GLB1L3: variants seen among roughly 807,000 people sequenced by gnomAD.
The protein encoded by GLB1L3 is beta-galactosidase-1-like protein 3.
GLB1L3 carries 89 observed loss-of-function variants against 89.5 expected under a neutral mutation model. The ratio of observed to expected loss-of-function variants is 0.99; its 90% CI spans 0.84 to 1.19. The LOEUF (loss-of-function observed/expected upper bound fraction) is 1.19, where lower values mean the gene tolerates loss of function less well. Among genes scored for constraint, GLB1L3 ranks in the 50% most tolerant of loss-of-function variants. The probability of loss-of-function intolerance (pLI) is 0.00; values close to 1 mark genes in which losing one functional copy is unlikely to be tolerated. For missense variants in GLB1L3, 812 were observed against 813.3 expected (o/e 1.00, Z 0.02); for synonymous variants, 314 against 312.3 (o/e 1.01, Z -0.06).
intron 6 of GLB1L3, 60 bp from the exon 7 acceptor site, chr11:134,288,738 G>C: frequency 7.9e-7 from 1 of 1,260,048 alleles, no homozygotes; most frequent in Non-Finnish European, 1.1e-6. Flanking sequence ...CAAGCTCAGA[G>C]ACTCCAGGCT....
chr11:134,282,221 G>A lies in GLB1L3; in HGVS notation c.527+101G>A, dbSNP rs961362743. 61 of 1,340,252 alleles carry A rather than the reference G, an allele frequency of 4.6e-5. No individual in the cohort carries two copies. In the Middle Eastern group the frequency reaches 5.7e-4, roughly 12 times the overall value. 83.0% of individuals were successfully genotyped at this position (1,340,252 alleles called of 1,614,324 possible). ...AACAAGGAAAGTAACCTTTATTCAC[G>A]GAGCCGATGGGAGGTGTGCTGCCCC... is the stretch of plus-strand genomic sequence containing the variant. On this transcript the variant is annotated intron_variant, in intron 5 of 19. Coordinates refer to ENST00000431683, the MANE Select transcript of GLB1L3 (RefSeq NM_001080407.3).
At chr11:134,309,959 G>T in intron 11 of GLB1L3, 196 bp downstream of exon 11, 1 of 619,762 alleles carries the variant, frequency 1.6e-6, no homozygotes. Flanking sequence ...AGTAGACAGG[G>T]CTTTCCGGGA....
downstream of GLB1L3, among the ~76,000 whole-genome samples, chr11:134,321,372 A>G (rs560939440): frequency 1.6e-4 from 25 of 151,876 alleles, no homozygotes; most frequent in Middle Eastern, 3.4e-3. Context: ...AAACAAACAA[A>G]ATCCTCTAAC....
chr11:134,304,905 TTG>T (rs1417801850), intron 9 of GLB1L3, among the ~76,000 whole-genome samples: 1 of 152,122 alleles, frequency 6.6e-6, no homozygotes, highest in African/African-American at 2.4e-5. Flanking sequence ...GATTCTATTG[TTG>T]TTTCTTTTTT....
intron 5 of GLB1L3, 35 bp from the exon 6 acceptor site, chr11:134,283,702 G>C (rs374634023): frequency 7.7e-7 from 1 of 1,299,680 alleles, no homozygotes; most frequent in South Asian, 1.2e-5. Context: ...CTCCCAACCC[G>C]TCTCAGACCC....
intron 9 of GLB1L3, 102 bp from the exon 10 acceptor site, chr11:134,307,022 G>GAA (rs751391246): frequency 3.5e-4 from 264 of 749,152 alleles, no homozygotes; most frequent in Non-Finnish European, 5.5e-4. Context: ...GGAAAAAGGA[G>GAA]AAACGCATGA....
Position 134,292,210 on chromosome 11 carries a change from G to A in GLB1L3, c.808G>A (p.Gly270Arg). Residue 270 changes from glycine (G) to arginine (R), a missense_variant, in exon 8 of 20, where the codon GGA becomes AGA. This residue lies in a region of GLB1L3 where 618 missense variants were observed against 604.0 expected (regional missense o/e 1.02). Coordinates refer to ENST00000431683, the MANE Select transcript of GLB1L3 (RefSeq NM_001080407.3). ...EKHVLSGHTK[G>R]VLAAINLQKL... Reference sequence around the variant, plus strand: ...ACATGTGCTGAGTGGCCACACCAAAGGAGGTACACATTTAGAGTTAGTTCA... The same window carrying A: ...ACATGTGCTGAGTGGCCACACCAAAAGAGGTACACATTTAGAGTTAGTTCA... 6.2e-7 allele frequency: 1 copy of A among 1,610,624 alleles called. No homozygotes were observed. Among genetic ancestry groups the A allele is most frequent in the Non-Finnish European group, 8.5e-7 (1 of 1,177,232 alleles).
rs1437020147 is a variant in GLB1L3 at position 134,310,648 on chromosome 11, T to G, written c.1177T>G (p.Ser393Ala). ...LKLQKLFQSV[S>A]ATPLPRVPKL... The stretch of plus-strand genomic sequence containing the variant: ...GCTTCAAAAACTCTTTCAATCTGTC[T>G]CAGGTACTCAGCACCCATTTAACTT... Residue 393 changes from serine to alanine, a missense_variant, in exon 12 of 20, where the codon TCA becomes GCA. Coordinates refer to ENST00000431683, the MANE Select transcript of GLB1L3 (RefSeq NM_001080407.3). 5 of 1,610,676 alleles carry G rather than the reference T, an allele frequency of 3.1e-6. No individual in the cohort carries two copies. Among genetic ancestry groups the G allele is most frequent in the Non-Finnish European group, 4.2e-6 (5 of 1,177,276 alleles).
intron 3 of GLB1L3, among the ~76,000 whole-genome samples, 181 bp downstream of exon 3, chr11:134,278,093 T>C (rs1940479282): frequency 6.6e-6 from 1 of 152,168 alleles, no homozygotes; most frequent in Non-Finnish European, 1.5e-5. Flanking sequence ...GAGTTTGCTC[T>C]GTGATCAAAG....
intron 9 of GLB1L3, among the ~76,000 whole-genome samples, chr11:134,300,705 G>A (rs937031664): frequency 6.6e-6 from 1 of 152,112 alleles, no homozygotes; most frequent in African/African-American, 2.4e-5. Context: ...TCTTGCAGAT[G>A]GTCACCTTCT....
intron 3 of GLB1L3, among the ~76,000 whole-genome samples, chr11:134,279,103 T>C (rs1031404661): frequency 1.3e-5 from 2 of 152,244 alleles, no homozygotes; most frequent in African/African-American, 4.8e-5. Flanking sequence ...ATCAATCTTA[T>C]AATAAGCTCA....
chr11:134,308,296 C>T (rs867184741), intron 10 of GLB1L3, among the ~76,000 whole-genome samples: 7 of 47,768 alleles, frequency 1.5e-4, no homozygotes, highest in Middle Eastern at 9.3e-3. Context: ...ACCACCACCA[C>T]CACCACCACC....
intron 8 of GLB1L3, 39 bp from the exon 9 acceptor site, chr11:134,293,106 G>A: frequency 2.5e-6 from 4 of 1,582,738 alleles, no homozygotes; most frequent in Non-Finnish European, 3.5e-6. Context: ...GACAGCACTT[G>A]TCTCATGCCT....
At chr11:134,292,005 A>C in intron 7 of GLB1L3, 127 bp from the exon 8 acceptor site, 1 of 670,300 alleles carries the variant, frequency 1.5e-6, no homozygotes. Flanking sequence ...AAAAAGTAAA[A>C]ACATATTTCT....
Position 134,276,705 on chromosome 11 carries a change from G to A in GLB1L3, c.-36G>A. 1.4e-6 allele frequency: 2 copies of A among 1,428,604 alleles called. No homozygotes were observed. Among genetic ancestry groups the A allele is most frequent in the Non-Finnish European group, 1.8e-6 (2 of 1,091,332 alleles). The allele number at this position is 1,428,604 out of a possible 1,614,324, so 88.5% of individuals were successfully genotyped here. ...TCGGGGCCAGCGGAGAGGGGCGGAA[G>A]CCGCAAGGGACCCTCGGCGCCTCGG... On this transcript the variant is annotated 5_prime_UTR_variant, in exon 1 of 20. Coordinates refer to ENST00000431683, the MANE Select transcript of GLB1L3 (RefSeq NM_001080407.3).
intron 7 of GLB1L3, among the ~76,000 whole-genome samples, chr11:134,290,982 A>T (rs1421832345): frequency 1.3e-5 from 2 of 151,952 alleles, no homozygotes. Flanking sequence ...CACTCGACCG[A>T]TTTTAGGGTC....
At chr11:134,289,872 A>G (rs934084568) in intron 7 of GLB1L3, among the ~76,000 whole-genome samples, 8 of 151,680 alleles carry the variant, frequency 5.3e-5, no homozygotes, top group Admixed American at 4.0e-4. Flanking sequence ...TTCAGTCTCA[A>G]CTGAACCCCA....
chr11:134,277,167 G>A, intron 1 of GLB1L3, 159 bp from the exon 2 acceptor site: 1 of 849,394 alleles, frequency 1.2e-6, no homozygotes, highest in East Asian at 2.5e-5. Context: ...GGGTGATGCC[G>A]CGCTGTCCTG....
chr11:134,293,166 A>C lies in GLB1L3; in HGVS notation c.833A>C (p.Gln278Pro). The C allele has an allele frequency of 6.2e-7, 1 of 1,613,862 alleles. No individual in the cohort carries two copies. The highest frequency in any genetic ancestry group is 1.1e-5 in the South Asian group (1 of 91,062). ...GCAGTGTTGGCCGCCATCAATTTGCAAAAACTTCACCAGGATACTTTCAAT... is the reference window on the plus strand; with the variant it reads ...GCAGTGTTGGCCGCCATCAATTTGCCAAAACTTCACCAGGATACTTTCAAT... ...TKGVLAAINL[Q>P]KLHQDTFNQL... The change falls in exon 9 of 20, where the codon CAA becomes CCA. Residue 278 changes from glutamine (Q) to proline (P), a missense_variant. Physicochemically the swap from Gln to Pro is moderately conservative, Grantham distance 76. Coordinates refer to ENST00000431683, the MANE Select transcript of GLB1L3 (RefSeq NM_001080407.3).
Sources: allele counts gnomAD v4.1 joint callset (sites outside exome capture counted in the v4.1 genomes callset), GRCh38; gene constraint gnomAD v4.1.1; regional missense constraint gnomAD v4.1.1; transcripts MANE v1.5; gene names NCBI Gene and HGNC (gene_info 2026-07-23, HGNC 2026-07-21).